Variants in ENTREP2 observed in about 807,000 individuals in gnomAD.
The protein encoded by ENTREP2 is protein ENTREP2.
At chr15:29,480,601 G>C in the ENTREP2 span, among the ~76,000 whole-genome samples, 2 of 152,098 alleles carry the variant, frequency 1.3e-5, no homozygotes, top group African/African-American at 2.4e-5. Context: ...GCAGGGCATG[G>C]GGAGGCAGCA....
chr15:29,650,286 G>C, the ENTREP2 span, among the ~76,000 whole-genome samples: 1 of 152,152 alleles, frequency 6.6e-6, no homozygotes, highest in Non-Finnish European at 1.5e-5. Flanking sequence ...ACTTGGTGAG[G>C]TGTTACTACT....
the ENTREP2 span, among the ~76,000 whole-genome samples, chr15:29,131,095 C>T: frequency 6.6e-6 from 1 of 152,154 alleles, no homozygotes; most frequent in Non-Finnish European, 1.5e-5. Flanking sequence ...GAAGCTAAGA[C>T]ACTTGCATGG....
At chr15:29,144,207 T>C in the ENTREP2 span, among the ~76,000 whole-genome samples, 1 of 152,096 alleles carries the variant, frequency 6.6e-6, no homozygotes, top group East Asian at 1.9e-4. Context: ...TTATTTAAAG[T>C]GGGGAGTTTC....
the ENTREP2 span, among the ~76,000 whole-genome samples, chr15:29,124,163 AC>A: frequency 6.6e-6 from 1 of 152,030 alleles, no homozygotes; most frequent in Non-Finnish European, 1.5e-5. Flanking sequence ...GAGGCTGGGG[AC>A]CTGGCTCCAG....
chr15:29,120,069 C>G, the ENTREP2 span, among the ~76,000 whole-genome samples: 1 of 152,226 alleles, frequency 6.6e-6, no homozygotes. Context: ...AGGCCCTGGC[C>G]CTCCCCACTC....
At chr15:29,299,149 A>T in the ENTREP2 span, among the ~76,000 whole-genome samples, 3 of 151,910 alleles carry the variant, frequency 2.0e-5, no homozygotes, top group African/African-American at 7.3e-5. Context: ...GAAGAAAATT[A>T]CAGAACTGTG....
chr15:29,247,778 T>C, the ENTREP2 span, among the ~76,000 whole-genome samples: 1 of 152,122 alleles, frequency 6.6e-6, no homozygotes, highest in Admixed American at 6.5e-5. Flanking sequence ...TTCAGTCTGG[T>C]AGGACAGGTA....
the ENTREP2 span, chr15:29,122,131 G>T: frequency 3.9e-5 from 6 of 152,258 alleles, no homozygotes; most frequent in Admixed American, 3.3e-4. Context: ...AGGGGCTGTG[G>T]CTGCTAGTGG....
At chr15:29,376,042 C>T in the ENTREP2 span, 3 of 151,966 alleles carry the variant, frequency 2.0e-5, no homozygotes, top group African/African-American at 7.3e-5. Flanking sequence ...CTATATGGTA[C>T]TCATATTCCC....
At chr15:29,408,751 A>C in the ENTREP2 span, among the ~76,000 whole-genome samples, 1 of 152,184 alleles carries the variant, frequency 6.6e-6, no homozygotes, top group East Asian at 1.9e-4. Flanking sequence ...GATGATTTTT[A>C]AACTTTATAT....
the ENTREP2 span, among the ~76,000 whole-genome samples, chr15:29,553,062 A>G: frequency 0.46 from 70,366 of 151,958 alleles, 17,883 homozygotes; most frequent in African/African-American, 0.69. Context: ...TTGGGAGGCC[A>G]AGGCGGGCAG....
the ENTREP2 span, among the ~76,000 whole-genome samples, chr15:29,341,145 T>C: frequency 6.6e-6 from 1 of 152,242 alleles, no homozygotes; most frequent in Non-Finnish European, 1.5e-5. Flanking sequence ...TGAAGGCTTA[T>C]AGAGTAGACA....
the ENTREP2 span, among the ~76,000 whole-genome samples, chr15:29,386,660 G>T: frequency 5.7e-4 from 87 of 152,290 alleles, no homozygotes; most frequent in Middle Eastern, 0.017. Flanking sequence ...TTTGGAGATG[G>T]GGCCTCTGGG....
At chr15:29,579,686 A>AT in the ENTREP2 span, among the ~76,000 whole-genome samples, 126 of 55,818 alleles carry the variant, frequency 2.3e-3, 2 homozygotes, top group African/African-American at 2.8e-3. Context: ...CACCCAGCTA[A>AT]TTTTTTTTTT....
the ENTREP2 span, among the ~76,000 whole-genome samples, chr15:29,272,379 T>C: frequency 6.6e-6 from 1 of 152,206 alleles, no homozygotes; most frequent in African/African-American, 2.4e-5. Context: ...GTCTGCAGTT[T>C]TACTTTCTGT....
At chr15:29,395,552 CA>C in the ENTREP2 span, among the ~76,000 whole-genome samples, 1 of 144,206 alleles carries the variant, frequency 6.9e-6, no homozygotes, top group Non-Finnish European at 1.5e-5. Flanking sequence ...TTTTTTGAGA[CA>C]GGGTCTCACT....
chr15:29,182,446 C>T, the ENTREP2 span, among the ~76,000 whole-genome samples: 1 of 151,932 alleles, frequency 6.6e-6, no homozygotes, highest in Non-Finnish European at 1.5e-5. Flanking sequence ...TTTTAAACTC[C>T]CTACTTTTCC....
At chr15:29,315,221 T>C in the ENTREP2 span, among the ~76,000 whole-genome samples, 10 of 152,124 alleles carry the variant, frequency 6.6e-5, no homozygotes, top group African/African-American at 9.7e-5. Context: ...CATTGTCTCC[T>C]AGAAGCTAGG....
At chr15:29,497,912 C>T in the ENTREP2 span, among the ~76,000 whole-genome samples, 1 of 152,070 alleles carries the variant, frequency 6.6e-6, no homozygotes, top group African/African-American at 2.4e-5. Flanking sequence ...GCATTTTTCA[C>T]TATAAACTTT....
Sources: allele counts gnomAD v4.1 joint callset (sites outside exome capture counted in the v4.1 genomes callset), GRCh38; gene constraint gnomAD v4.1.1; transcripts MANE v1.5; gene names NCBI Gene and HGNC (gene_info 2026-07-23, HGNC 2026-07-21).